Variants in USP45 observed in about 807,000 individuals in gnomAD.
USP45 encodes ubiquitin carboxyl-terminal hydrolase 45.
A neutral mutation model predicts 95.8 loss-of-function variants in USP45; 89 were observed. That is an observed-to-expected ratio of 0.93 (90% CI 0.78 to 1.11). The LOEUF (loss-of-function observed/expected upper bound fraction) is 1.11, where lower values mean the gene tolerates loss of function less well. USP45 is among the 50% of genes least tolerant of loss of function. The probability of loss-of-function intolerance (pLI) is 0.00; values close to 1 mark genes in which losing one functional copy is unlikely to be tolerated. For missense variants in USP45, 898 were observed against 942.5 expected, an observed-to-expected ratio of 0.95 and a Z score of 0.62; for synonymous variants, 281 against 316.2, an observed-to-expected ratio of 0.89 and a Z score of 1.18.
At chr6:99,505,039 A>G (rs547212998) in intron 4 of USP45, among the ~76,000 whole-genome samples, 8 of 152,302 alleles carry the variant, frequency 5.3e-5, no homozygotes, top group African/African-American at 1.9e-4. Flanking sequence ...CACTCTGTCT[A>G]CTTTTGTTAA....
intron 4 of USP45, 135 bp from the exon 5 acceptor site, chr6:99,504,000 G>T: frequency 1.7e-6 from 1 of 578,242 alleles, no homozygotes; most frequent in Non-Finnish European, 2.9e-6. Flanking sequence ...AAGCCACCAG[G>T]TAAGTCTAGA....
At chr6:99,477,108 A>G (rs1157795928) in intron 8 of USP45, among the ~76,000 whole-genome samples, 1 of 152,248 alleles carries the variant, frequency 6.6e-6, no homozygotes, top group Non-Finnish European at 1.5e-5. Flanking sequence ...AATATATTAT[A>G]GTAGAAGACA....
intron 5 of USP45, among the ~76,000 whole-genome samples, chr6:99,491,084 A>G (rs1312067589): frequency 6.6e-6 from 1 of 152,154 alleles, no homozygotes; most frequent in Non-Finnish European, 1.5e-5. Flanking sequence ...CAGAATCCTG[A>G]GGTAAAGCAG....
Position 99,462,033 on chromosome 6 carries a change from T to C in USP45, c.1308+2571A>G, listed in dbSNP as rs574935287. 3.6e-5 allele frequency: 35 copies of C among 985,280 alleles called. 1 individual carries two copies. The South Asian group carries it at 1.5e-3, about 42-fold the overall frequency. The allele number at this position is 985,280 out of a possible 1,614,324, so 61.0% of individuals were successfully genotyped here. ...TTATGTCATTTAAATTTTCGCTTCT[T>C]GAATATAGTACCTTAAAGATGTTAT... On this transcript the variant is annotated intron_variant, in intron 13 of 17. Transcript: ENST00000500704.
In USP45 at chr6:99,465,204, C is replaced by T. The variant is rs1017555912; in HGVS notation, c.1108-68G>A. 64 of 1,329,956 alleles carry T rather than the reference C, an allele frequency of 4.8e-5. No homozygotes were observed. In the East Asian group the frequency reaches 1.4e-3, roughly 29 times the overall value. The allele number at this position is 1,329,956 out of a possible 1,614,324, so 82.4% of individuals were successfully genotyped here. On this transcript the variant is annotated intron_variant, in intron 11 of 17. Transcript: ENST00000500704. ...TATAAACATACAGTTTTGTAAAGTA[C>T]AAAGAAATCAAACTTCCCGGGCAAC...
upstream of USP45, among the ~76,000 whole-genome samples, chr6:99,516,088 C>G (rs1020602990): frequency 3.3e-5 from 5 of 151,726 alleles, no homozygotes; most frequent in African/African-American, 1.2e-4. Flanking sequence ...CGCCCCCACA[C>G]CCCCGCCGCC....
At chr6:99,463,608 TCGAGA>T (rs1787073570) in intron 13 of USP45, among the ~76,000 whole-genome samples, 3 of 151,942 alleles carry the variant, frequency 2.0e-5, no homozygotes, top group Non-Finnish European at 4.4e-5. Flanking sequence ...GGTCAGGATT[TCGAGA>T]CCAGCCTGAC....
intron 13 of USP45, among the ~76,000 whole-genome samples, chr6:99,449,308 T>C (rs924170888): frequency 6.6e-6 from 1 of 151,870 alleles, no homozygotes; most frequent in African/African-American, 2.4e-5. Context: ...AGACTCAAAA[T>C]AAAAGGATGG....
rs370282781 is a variant in USP45, at chr6:99,488,165, T to C, written c.714+35A>G. ...ATTTTGGTAACATCAGTGGCTCATCTGAAAGCAGCTATTATTCAAACAGTT... is the reference window on the plus strand; with the variant it reads ...ATTTTGGTAACATCAGTGGCTCATCCGAAAGCAGCTATTATTCAAACAGTT... On this transcript the variant is annotated intron_variant, in intron 7 of 17. Coordinates refer to ENST00000500704, the MANE Select transcript of USP45 (RefSeq NM_001346022.3). The C allele has an allele frequency of 6.2e-6, 9 of 1,455,922 alleles. No individual in the cohort carries two copies. The African/African-American group carries it at 1.1e-4, about 18-fold the overall frequency. The allele number at this position is 1,455,922 out of a possible 1,614,324, so 90.2% of individuals were successfully genotyped here.
At chr6:99,517,733 G>A (rs1278717608), upstream of USP45, among the ~76,000 whole-genome samples, 2 of 151,116 alleles carry the variant, frequency 1.3e-5, no homozygotes, top group Non-Finnish European at 2.9e-5. Flanking sequence ...GTGAGCCACC[G>A]AGCCCAGCTC....
At chr6:99,448,298 G>T (rs989871004) in intron 13 of USP45, among the ~76,000 whole-genome samples, 2 of 152,132 alleles carry the variant, frequency 1.3e-5, no homozygotes, top group African/African-American at 4.8e-5. Context: ...CTTGAAAAAA[G>T]ATTAGACAAA....
intron 7 of USP45, among the ~76,000 whole-genome samples, chr6:99,483,561 G>A (rs1362949668): frequency 1.1e-4 from 17 of 152,236 alleles, no homozygotes; most frequent in East Asian, 1.9e-4. Flanking sequence ...TCTTCCGGCC[G>A]GGCGCGGTGG....
intron 1 of USP45, 87 bp downstream of exon 1, chr6:99,515,304 CA>C (rs900772696): frequency 3.9e-5 from 6 of 152,218 alleles, no homozygotes; most frequent in Admixed American, 3.9e-4. Flanking sequence ...CGCCCACCCA[CA>C]AGGGGGTCAA....
At chr6:99,441,878 G>A (rs1377070259) in intron 15 of USP45, among the ~76,000 whole-genome samples, 5 of 151,904 alleles carry the variant, frequency 3.3e-5, no homozygotes, top group Non-Finnish European at 7.4e-5. Context: ...TTAAAATTTT[G>A]GCATATTTAT....
At chr6:99,454,312 A>C (rs894235831) in intron 13 of USP45, among the ~76,000 whole-genome samples, 1 of 152,212 alleles carries the variant, frequency 6.6e-6, no homozygotes, top group African/African-American at 2.4e-5. Flanking sequence ...AAATCAACTC[A>C]AGATAGATAA....
chr6:99,476,101 T>C (rs1790780705), intron 9 of USP45, 42 bp downstream of exon 9: 2 of 1,577,560 alleles, frequency 1.3e-6, no homozygotes, highest in African/African-American at 1.4e-5. Context: ...TTTTGTATCC[T>C]CTTCTTGAAG....
chr6:99,503,325 A>C (rs187218854), intron 5 of USP45, among the ~76,000 whole-genome samples: 3 of 151,746 alleles, frequency 2.0e-5, no homozygotes, highest in African/African-American at 7.2e-5. Flanking sequence ...TGATACTCAT[A>C]ATTTTTTTTT....
chr6:99,452,320 A>C (rs1468904753), intron 13 of USP45, among the ~76,000 whole-genome samples: 1 of 152,246 alleles, frequency 6.6e-6, no homozygotes, highest in Non-Finnish European at 1.5e-5. Flanking sequence ...AAAGAACTCA[A>C]ACAAATTTAC....
chr6:99,445,445 TG>T (rs1782339608), intron 14 of USP45, among the ~76,000 whole-genome samples: 1 of 150,606 alleles, frequency 6.6e-6, no homozygotes, highest in Admixed American at 6.6e-5. Flanking sequence ...ATCGCGCCAC[TG>T]TACTCCAGCC....
Sources: gnomAD v4.1 joint callset for allele counts (sites outside exome capture counted in the v4.1 genomes callset) on GRCh38, gnomAD v4.1.1 for gene constraint, MANE v1.5 for transcripts, NCBI Gene and HGNC (gene_info 2026-07-23, HGNC 2026-07-21) for gene names.